The following DNAH7 variants were observed in gnomAD, a reference collection of about 807,000 sequenced individuals.
DNAH7 encodes the protein dynein axonemal heavy chain 7.
A neutral mutation model predicts 444.6 loss-of-function variants in DNAH7; 397 were observed. The ratio of observed to expected loss-of-function variants is 0.89; its 90% CI spans 0.82 to 0.97. The LOEUF (loss-of-function observed/expected upper bound fraction) is 0.97, where lower values mean the gene tolerates loss of function less well. Among genes scored for constraint, DNAH7 ranks in the 50% least tolerant of loss-of-function variants. The pLI is 0.00. For missense variants in DNAH7, 4,902 were observed against 4,800.8 expected, an observed-to-expected ratio of 1.02 and a Z score of -0.62; for synonymous variants, 1,636 against 1,624.4, an observed-to-expected ratio of 1.01 and a Z score of -0.17.
intron 28 of DNAH7, among the ~76,000 whole-genome samples, chr2:195,898,751 T>C (rs1686508773): frequency 6.6e-6 from 1 of 152,184 alleles, no homozygotes; most frequent in Non-Finnish European, 1.5e-5. Flanking sequence ...ATGCACTAAG[T>C]TAGTTTAATA....
At chr2:195,758,961 G>A (rs889803209) in intron 61 of DNAH7, among the ~76,000 whole-genome samples, 1 of 152,188 alleles carries the variant, frequency 6.6e-6, no homozygotes, top group African/African-American at 2.4e-5. Flanking sequence ...GGCAGTCTAG[G>A]CCACAGGAAC....
intron 59 of DNAH7, among the ~76,000 whole-genome samples, chr2:195,777,322 T>C (rs895429211): frequency 1.4e-4 from 21 of 152,204 alleles, no homozygotes; most frequent in African/African-American, 4.8e-4. Flanking sequence ...CTGTGTGGCC[T>C]TGGGCAAATT....
chr2:195,756,307 TTAATA>T (rs748981089), intron 61 of DNAH7, 22 bp from the exon 62 acceptor site: 13 of 1,588,306 alleles, frequency 8.2e-6, no homozygotes, highest in African/African-American at 4.0e-5. Context: ...TTAACCTTGG[TTAATA>T]TAATAGTATA....
intron 9 of DNAH7, among the ~76,000 whole-genome samples, chr2:196,013,432 G>T (rs1694833971): frequency 6.6e-6 from 1 of 152,014 alleles, no homozygotes; most frequent in Admixed American, 6.6e-5. Context: ...TCCTTCTTTT[G>T]ACTACAATGT....
At chr2:195,740,704 A>G (rs961383376) in intron 64 of DNAH7, 62 bp downstream of exon 64, 21 of 538,360 alleles carry the variant, frequency 3.9e-5, no homozygotes, top group Admixed American at 4.7e-5. Flanking sequence ...TCTATTTTAT[A>G]TATAATATAT....
chr2:196,047,665 CCT>C (rs935726155), intron 4 of DNAH7, among the ~76,000 whole-genome samples, 166 bp from the exon 5 acceptor site: 3 of 151,052 alleles, frequency 2.0e-5, no homozygotes, highest in African/African-American at 2.4e-5. Flanking sequence ...TTAAACTACT[CCT>C]CTTTTGTATC....
intron 7 of DNAH7, among the ~76,000 whole-genome samples, chr2:196,025,631 C>A (rs538293377): frequency 3.3e-5 from 5 of 152,310 alleles, no homozygotes; most frequent in African/African-American, 1.2e-4. Context: ...TCCTTCCTAA[C>A]AAGTTAGAGA....
rs148477863 is a variant in DNAH7, at chr2:195,779,052, C to T, written c.10879-1067G>A. 0.019 allele frequency among the ~76,000 whole-genome samples: 2,890 copies of T among 152,090 alleles called. 223 individuals are homozygous for T. In the East Asian group the frequency reaches 0.26, roughly 13 times the overall value. On this transcript the variant is annotated intron_variant, in intron 58 of 64. Transcript: ENST00000312428. The stretch of plus-strand genomic sequence containing the variant: ...TAGAGACGGGGTTTCACCGTGTTAG[C>T]CAGGATGATCTCGATCTCCTGACCT...
chr2:195,852,908 A>C lies in DNAH7; in HGVS notation c.8781+435T>G, dbSNP rs79635810. On this transcript the variant is annotated intron_variant, in intron 46 of 64. Transcript: ENST00000312428. ...TGATGAAGTACACACACACACACAC[A>C]CACACACAGAGAGAGAGAGAGAGAG... Among the ~76,000 whole-genome samples the C allele has an allele frequency of 5.1e-4, 65 of 126,506 alleles. 1 individual carries two copies. The East Asian group carries it at 0.013, about 25-fold the overall frequency. 83.0% of individuals were successfully genotyped at this position (126,506 alleles called of 152,430 possible).
chr2:195,801,039 G>A (rs1461245789), intron 54 of DNAH7, among the ~76,000 whole-genome samples: 4 of 152,122 alleles, frequency 2.6e-5, no homozygotes, highest in African/African-American at 9.7e-5. Context: ...CACCCTTTGG[G>A]TGTCTGCTTC....
chr2:196,055,184 T>C (rs922865860), intron 2 of DNAH7, among the ~76,000 whole-genome samples: 11 of 152,016 alleles, frequency 7.2e-5, no homozygotes, highest in African/African-American at 2.7e-4. Context: ...GGTGAAACCC[T>C]GTCTCTACCA....
At chr2:195,936,521 A>G in intron 20 of DNAH7, 78 bp downstream of exon 20, 1 of 914,268 alleles carries the variant, frequency 1.1e-6, no homozygotes. Flanking sequence ...GATTATATAT[A>G]TTTATGTTCT....
chr2:195,809,978 C>T lies in DNAH7; in HGVS notation c.9762-107G>A, dbSNP rs1040473075. On this transcript the variant is annotated intron_variant, in intron 51 of 64. Transcript: ENST00000312428. ...TTCTGATAAACTTTCTGGTCAATTA[C>T]CCCCCAAACAATCAAGAATCCTCAT... 7 of 872,916 alleles carry T rather than the reference C, an allele frequency of 8.0e-6. No individual in the cohort carries two copies. The South Asian group carries it at 2.4e-4, about 30-fold the overall frequency. The allele number at this position is 872,916 out of a possible 1,614,324, so 54.1% of individuals were successfully genotyped here. A position where few individuals can be genotyped will look rare whatever the true frequency, so the allele number is the denominator to read the frequency against.
chr2:195,771,984 A>G, intron 60 of DNAH7, 94 bp from the exon 61 acceptor site: 1 of 1,020,404 alleles, frequency 9.8e-7, no homozygotes, highest in Non-Finnish European at 1.5e-6. Context: ...TATAAGAAAG[A>G]ACATTGCTCT....
chr2:196,023,056 T>C (rs1695474629), intron 8 of DNAH7, among the ~76,000 whole-genome samples: 1 of 152,062 alleles, frequency 6.6e-6, no homozygotes, highest in Admixed American at 6.6e-5. Flanking sequence ...TGAAATGTAA[T>C]CCCCAGTGCT....
At chr2:195,851,840 C>T (rs574373160) in intron 46 of DNAH7, among the ~76,000 whole-genome samples, 4 of 152,280 alleles carry the variant, frequency 2.6e-5, no homozygotes, top group African/African-American at 9.6e-5. Context: ...GCTGAAGCTA[C>T]TCCTTTTATT....
At chr2:195,918,667 T>A (rs1196225563) in intron 24 of DNAH7, among the ~76,000 whole-genome samples, 1 of 152,188 alleles carries the variant, frequency 6.6e-6, no homozygotes, top group Admixed American at 6.5e-5. Flanking sequence ...ACAGTATGTA[T>A]AATTCTAGAT....
intron 54 of DNAH7, among the ~76,000 whole-genome samples, chr2:195,801,091 C>G (rs1310187002): frequency 1.3e-5 from 2 of 152,156 alleles, no homozygotes; most frequent in Admixed American, 6.5e-5. Flanking sequence ...CACAAAAGCC[C>G]TCACCAGAAG....
intron 63 of DNAH7, among the ~76,000 whole-genome samples, chr2:195,747,173 A>G (rs928269918): frequency 2.6e-5 from 4 of 151,938 alleles, no homozygotes; most frequent in East Asian, 3.8e-4. Flanking sequence ...GGATATCACC[A>G]CCGATCCCAC....
Sources: allele counts gnomAD v4.1 joint callset (sites outside exome capture counted in the v4.1 genomes callset), GRCh38; gene constraint gnomAD v4.1.1; transcripts MANE v1.5; gene names NCBI Gene and HGNC (gene_info 2026-07-23, HGNC 2026-07-21).